PCDHGA7: variants seen among roughly 807,000 people sequenced by gnomAD.
PCDHGA7 encodes protocadherin gamma-A7.
Under a neutral mutation model 58.3 loss-of-function variants are expected in PCDHGA7, and 44 were observed. That is an observed-to-expected ratio of 0.75 (90% CI 0.59 to 0.97). The LOEUF (loss-of-function observed/expected upper bound fraction) is 0.97. PCDHGA7 is among the 50% of genes least tolerant of loss of function. The probability of loss-of-function intolerance (pLI) is 0.00; values close to 1 mark genes in which losing one functional copy is unlikely to be tolerated. For synonymous variants in PCDHGA7, 516 were observed against 504.2 expected (o/e 1.02, Z -0.31); for missense variants, 1,266 against 1,188.7 (o/e 1.06, Z -0.96).
rs760530453 is a variant in PCDHGA7, at chr5:141,382,870, C to A, written c.-30C>A. 3 of 1,519,788 alleles carry A rather than the reference C, an allele frequency of 2.0e-6. No homozygotes were observed. Among genetic ancestry groups the A allele is most frequent in the East Asian group, 4.5e-5 (2 of 44,044 alleles). The allele number at this position is 1,519,788 out of a possible 1,614,324, so 94.1% of individuals were successfully genotyped here. A position where few individuals can be genotyped will look rare whatever the true frequency, so the allele number is the denominator to read the frequency against. On this transcript the variant is annotated 5_prime_UTR_variant, in exon 1 of 4. Transcript: ENST00000518325. ...CGCATTCTGAAGCACTTCCCGAGAT[C>A]GGCGCCTAAGCAAGAGAAGCAGGAC...
In PCDHGA7 at chr5:141,384,991, G is replaced by A; in HGVS notation, c.2092G>A (p.Ala698Thr). ...DLTLYLVVAV[A>T]TVSCVFLAFV... ...CACGTTGTACCTGGTGGTGGCGGTG[G>A]CCACAGTCTCCTGCGTCTTCCTAGC... is the stretch of plus-strand genomic sequence containing the variant. Residue 698 changes from alanine to threonine, a missense_variant, in exon 1 of 4, where the codon GCC becomes ACC. Ala to Thr is a moderately conservative substitution (Grantham distance 58, BLOSUM62 0). Transcript: ENST00000518325. The A allele has an allele frequency of 1.2e-6, 2 of 1,614,124 alleles. No individual in the cohort carries two copies. Among genetic ancestry groups the A allele is most frequent in the Non-Finnish European group, 1.7e-6 (2 of 1,180,038 alleles).
rs73280920 is a variant in PCDHGA7 at position 141,453,809 on chromosome 5, A to G, written c.2425-40998A>G. Among the ~76,000 whole-genome samples, 1,254 of 152,338 alleles carry G rather than the reference A, an allele frequency of 8.2e-3. 17 individuals carry two copies. Among genetic ancestry groups the G allele is most frequent in the African/African-American group, 0.029 (1,191 of 41,572 alleles). On this transcript the variant is annotated intron_variant, in intron 1 of 3. Coordinates refer to ENST00000518325, the MANE Select transcript of PCDHGA7 (RefSeq NM_018920.4). ...GTATATTAACTTTGAGTAGTTCCATAAAGGACAAACTTGGCTGCTAGCCCT... is the reference window on the plus strand; with the variant it reads ...GTATATTAACTTTGAGTAGTTCCATGAAGGACAAACTTGGCTGCTAGCCCT...
rs2099694919 is a variant in PCDHGA7, at chr5:141,490,016, C to T, written c.2425-4791C>T. The T allele has an allele frequency of 6.2e-7, 1 of 1,614,158 alleles. No individual in the cohort carries two copies. The highest frequency in any genetic ancestry group is 8.5e-7 in the Non-Finnish European group (1 of 1,180,060). On this transcript the variant is annotated intron_variant, in intron 1 of 3. Transcript: ENST00000518325. This position sits in a 1 kb window ranked among gnomAD's most constrained non-coding sequence, Gnocchi z 5.4. ...ATCCCAGAGAATGCACCCATTGGTACTCTGCTGCTCCGCCTCAATGCCACT... is the reference window on the plus strand; with the variant it reads ...ATCCCAGAGAATGCACCCATTGGTATTCTGCTGCTCCGCCTCAATGCCACT...
In PCDHGA7 at chr5:141,486,890, G is replaced by T; in HGVS notation, c.2425-7917G>T. On this transcript the variant is annotated intron_variant, in intron 1 of 3. Coordinates refer to ENST00000518325, the MANE Select transcript of PCDHGA7 (RefSeq NM_018920.4). The surrounding 1 kb of genome is among the most constrained non-coding windows in gnomAD (Gnocchi z 5.0). ...TGTGCTCCGTCCTCGGGCCCGGCCT[G>T]GTTCCTTATGTCCCCAAGCACTGCC... 6.2e-7 allele frequency: 1 copy of T among 1,614,242 alleles called. No individual in the cohort carries two copies. The highest frequency in any genetic ancestry group is 8.5e-7 in the Non-Finnish European group (1 of 1,180,048).
intron 1 of PCDHGA7, among the ~76,000 whole-genome samples, chr5:141,450,572 T>A (rs1276283357): frequency 6.6e-6 from 1 of 151,710 alleles, no homozygotes; most frequent in African/African-American, 2.4e-5. Flanking sequence ...CTGCAACTTC[T>A]GCCTCCCAGG....
rs1246027327 is a variant in PCDHGA7, at chr5:141,491,976, C to A, written c.2425-2831C>A. On this transcript the variant is annotated intron_variant, in intron 1 of 3. Transcript: ENST00000518325. This position sits in a 1 kb window ranked among gnomAD's most constrained non-coding sequence, Gnocchi z 6.9. ...ACTCAAAAAAGGCCGGGGCCTCCTT[C>A]GAGCTTCCGGTGAATTTCGGGCGAT... 3 of 800,708 alleles carry A rather than the reference C, an allele frequency of 3.7e-6. No individual in the cohort carries two copies. The Admixed American group carries it at 1.1e-4, about 30-fold the overall frequency. 49.6% of individuals were successfully genotyped at this position (800,708 alleles called of 1,614,324 possible).
At position 141,503,509 on chromosome 5, in the gene PCDHGA7, G is replaced by A. The variant is rs373282648; in HGVS notation, c.2484-1884G>A. ...AGCTGCTCAAGAGGCTGAGGCAGGA[G>A]AATCACTTGAACCTGGGAGGCAGAG... On this transcript the variant is annotated intron_variant, in intron 2 of 3. Transcript: ENST00000518325. Among the ~76,000 whole-genome samples the A allele has an allele frequency of 9.4e-5, 14 of 149,410 alleles. No individual in the cohort carries two copies. The South Asian group carries it at 1.5e-3, about 16-fold the overall frequency.
intron 1 of PCDHGA7, among the ~76,000 whole-genome samples, chr5:141,454,261 A>T (rs183133499): frequency 1.3e-5 from 2 of 152,364 alleles, no homozygotes; most frequent in South Asian, 2.1e-4. Flanking sequence ...CAGAGAAAGT[A>T]ATGCCAGCAA....
chr5:141,409,824 C>T (rs1265260597), intron 1 of PCDHGA7: 1 of 1,610,860 alleles, frequency 6.2e-7, no homozygotes, highest in Non-Finnish European at 8.5e-7. Flanking sequence ...GGCTCGCCCA[C>T]GCTCAGCGCC....
At chr5:141,492,216 C>T (rs1163022229) in intron 1 of PCDHGA7, among the ~76,000 whole-genome samples, 1 of 152,140 alleles carries the variant, frequency 6.6e-6, no homozygotes, top group Non-Finnish European at 1.5e-5. Context: ...GCGCGGGGCT[C>T]ATGCGTGTCC....
At chr5:141,445,612 CT>C (rs996122021) in intron 1 of PCDHGA7, among the ~76,000 whole-genome samples, 1 of 151,994 alleles carries the variant, frequency 6.6e-6, no homozygotes, top group Non-Finnish European at 1.5e-5. Flanking sequence ...GGAAGGCTTT[CT>C]TTTTTTCGGA....
intron 1 of PCDHGA7, among the ~76,000 whole-genome samples, chr5:141,449,929 T>C (rs2098659723): frequency 6.6e-6 from 1 of 151,912 alleles, no homozygotes; most frequent in Non-Finnish European, 1.5e-5. Context: ...TACCATACCT[T>C]ATAGTATATT....
chr5:141,444,013 C>T (rs1226458485), intron 1 of PCDHGA7, among the ~76,000 whole-genome samples: 2 of 152,060 alleles, frequency 1.3e-5, no homozygotes, highest in Admixed American at 6.6e-5. Flanking sequence ...TGGGTATTGG[C>T]TTCTAAAAGG....
intron 1 of PCDHGA7, among the ~76,000 whole-genome samples, chr5:141,430,243 T>C (rs1020416761): frequency 5.6e-5 from 6 of 106,478 alleles, no homozygotes; most frequent in African/African-American, 3.0e-4. Flanking sequence ...GAGAAACTCC[T>C]AGGGAGACAT....
intron 1 of PCDHGA7, chr5:141,419,308 C>G: frequency 6.2e-7 from 1 of 1,614,026 alleles, no homozygotes; most frequent in Non-Finnish European, 8.5e-7. Flanking sequence ...ACTTCGGGCT[C>G]AACGGCCGTG....
chr5:141,435,940 G>A (rs2097787697), intron 1 of PCDHGA7, among the ~76,000 whole-genome samples: 1 of 152,066 alleles, frequency 6.6e-6, no homozygotes, highest in Admixed American at 6.5e-5. Flanking sequence ...CTGCTTCTGA[G>A]ACCAAAAAAG....
rs1254986724 is a variant in PCDHGA7, at chr5:141,490,928, C to G, written c.2425-3879C>G. ...CTAGACGAGAATGATAATGCCCCAGCTGTGCTGCACCCACGGCCAGACTGG... is the reference window on the plus strand; with the variant it reads ...CTAGACGAGAATGATAATGCCCCAGGTGTGCTGCACCCACGGCCAGACTGG... On this transcript the variant is annotated intron_variant, in intron 1 of 3. Transcript: ENST00000518325. The surrounding 1 kb of genome is among the most constrained non-coding windows in gnomAD (Gnocchi z 5.4). 2 of 1,613,466 alleles carry G rather than the reference C, an allele frequency of 1.2e-6. No homozygotes were observed. Among genetic ancestry groups the G allele is most frequent in the Non-Finnish European group, 1.7e-6 (2 of 1,179,624 alleles).
In PCDHGA7 at chr5:141,511,116, G is replaced by A. The variant is rs2099883616; in HGVS notation, c.2742G>A (p.Lys914=). Residue 914 remains lysine, a synonymous_variant, in exon 4 of 4, where the codon AAG becomes AAA. Transcript: ENST00000518325. The stretch of plus-strand genomic sequence containing the variant: ...ACGCAGCTGGCAAGCGGGATGGCAA[G>A]GCCCCAGCAGGTGGCAATGGCAACA... ...LTNAAGKRDG[K]APAGGNGNKK... The A allele has an allele frequency of 1.9e-6, 3 of 1,614,234 alleles. No individual in the cohort carries two copies. The highest frequency in any genetic ancestry group is 2.5e-6 in the Non-Finnish European group (3 of 1,180,026).
At chr5:141,428,102 G>A (rs774075619) in intron 1 of PCDHGA7, 1 of 1,608,518 alleles carries the variant, frequency 6.2e-7, no homozygotes, top group Non-Finnish European at 8.5e-7. Context: ...CCTACCACGT[G>A]CTGCAGGCCA....
Sources: gnomAD v4.1 joint callset for allele counts (sites outside exome capture counted in the v4.1 genomes callset) on GRCh38, gnomAD v4.1.1 for gene constraint, Gnocchi (gnomAD v3.1) non-coding constraint, MANE v1.5 for transcripts, NCBI Gene and HGNC (gene_info 2026-07-23, HGNC 2026-07-21) for gene names.